Variants in TNFRSF19 observed in about 807,000 individuals in gnomAD.
The protein encoded by TNFRSF19 is tumor necrosis factor receptor superfamily member 19.
A neutral mutation model predicts 46.4 loss-of-function variants in TNFRSF19; 27 were observed. The observed-to-expected ratio is 0.58, with a 90% CI of 0.43 to 0.80. The LOEUF (loss-of-function observed/expected upper bound fraction) is 0.80, where lower values mean the gene tolerates loss of function less well. TNFRSF19 is among the 30% of genes least tolerant of loss of function. The pLI, the probability that TNFRSF19 is intolerant of heterozygous loss-of-function variation, is 0.00. For synonymous variants in TNFRSF19, 204 were observed against 205.0 expected, an observed-to-expected ratio of 1.00 and a Z score of 0.04; for missense variants, 511 against 530.8, an observed-to-expected ratio of 0.96 and a Z score of 0.37.
At chr13:23,583,203 A>T (rs140963005) in intron 1 of TNFRSF19, among the ~76,000 whole-genome samples, 1 of 152,348 alleles carries the variant, frequency 6.6e-6, no homozygotes, top group African/African-American at 2.4e-5. Flanking sequence ...CCAAATCTTC[A>T]CCAACAATGG....
chr13:23,597,610 CT>C (rs145014628), intron 3 of TNFRSF19, among the ~76,000 whole-genome samples: 44,945 of 151,880 alleles, frequency 0.3, 6,749 homozygotes, highest in South Asian at 0.34. Flanking sequence ...AATTAATAGC[CT>C]ACCAACCAAA....
At position 23,614,746 on chromosome 13, in the gene TNFRSF19, C is replaced by CATATATATATAT. The variant is rs59117822; in HGVS notation, c.181-1109_181-1098dup. ...AGCCGCTTCCTGTGGATAAGTAATA[C>CATATATATATAT]ATATATATATATATATATATATAGT... On this transcript the variant is annotated intron_variant, in intron 3 of 9. Transcript: ENST00000248484. Among the ~76,000 whole-genome samples the CATATATATATAT allele has an allele frequency of 2.6e-3, 354 of 134,854 alleles. 8 individuals are homozygous for CATATATATATAT. Among genetic ancestry groups the CATATATATATAT allele is most frequent in the African/African-American group, 7.2e-3 (255 of 35,570 alleles). 88.5% of individuals were successfully genotyped at this position (134,854 alleles called of 152,430 possible).
chr13:23,657,519 C>T (rs1199566546), intron 5 of TNFRSF19, among the ~76,000 whole-genome samples: 7 of 152,156 alleles, frequency 4.6e-5, no homozygotes, highest in Non-Finnish European at 1.0e-4. Context: ...AGTCTGAATT[C>T]AGATGAGCTG....
intron 3 of TNFRSF19, among the ~76,000 whole-genome samples, chr13:23,609,762 A>G (rs998941705): frequency 1.3e-5 from 2 of 152,208 alleles, no homozygotes; most frequent in Non-Finnish European, 2.9e-5. Context: ...TTTTGTCTCT[A>G]TGAGGAAAGT....
intron 3 of TNFRSF19, among the ~76,000 whole-genome samples, chr13:23,613,212 A>T (rs1007321419): frequency 5.3e-5 from 8 of 152,240 alleles, no homozygotes; most frequent in African/African-American, 1.4e-4. Flanking sequence ...ACTTATAGGT[A>T]TAATTTGTTT....
chr13:23,628,968 C>T (rs1173218450), intron 5 of TNFRSF19, among the ~76,000 whole-genome samples: 1 of 152,124 alleles, frequency 6.6e-6, no homozygotes, highest in African/African-American at 2.4e-5. Flanking sequence ...AGTTTGCTGC[C>T]TTTGGCACAG....
At chr13:23,581,874 T>G (rs1878462402) in intron 1 of TNFRSF19, among the ~76,000 whole-genome samples, 1 of 152,194 alleles carries the variant, frequency 6.6e-6, no homozygotes. Flanking sequence ...CAAAGCCCTT[T>G]TAAAACTGAT....
intron 1 of TNFRSF19, among the ~76,000 whole-genome samples, chr13:23,574,165 C>G (rs1029556511): frequency 6.6e-6 from 1 of 151,210 alleles, no homozygotes; most frequent in East Asian, 1.9e-4. Flanking sequence ...CATGGCCAAA[C>G]AACTGCCCTC....
At chr13:23,611,407 A>G (rs1265515758) in intron 3 of TNFRSF19, among the ~76,000 whole-genome samples, 2 of 152,208 alleles carry the variant, frequency 1.3e-5, no homozygotes, top group Non-Finnish European at 2.9e-5. Context: ...ATTCTGGCTA[A>G]AATGACCTCA....
intron 5 of TNFRSF19, among the ~76,000 whole-genome samples, chr13:23,656,624 C>T (rs1018755929): frequency 1.2e-4 from 19 of 152,136 alleles, no homozygotes; most frequent in African/African-American, 4.6e-4. Flanking sequence ...TTCATTTTTA[C>T]GACAGCTATT....
chr13:23,599,404 G>A (rs1406355595), intron 3 of TNFRSF19, among the ~76,000 whole-genome samples: 2 of 152,126 alleles, frequency 1.3e-5, no homozygotes. Context: ...CACAGCCCTC[G>A]AGAGATCCTG....
intron 3 of TNFRSF19, among the ~76,000 whole-genome samples, chr13:23,598,267 G>T (rs1354749803): frequency 6.6e-6 from 1 of 152,138 alleles, no homozygotes; most frequent in Non-Finnish European, 1.5e-5. Context: ...GATAGCATTA[G>T]GAGAAATACC....
chr13:23,592,065 C>A (rs1879350020), intron 2 of TNFRSF19, among the ~76,000 whole-genome samples: 1 of 152,050 alleles, frequency 6.6e-6, no homozygotes, highest in African/African-American at 2.4e-5. Context: ...ACCTTGAATT[C>A]TTCCTCCTGC....
At chr13:23,623,991 A>G (rs570970291) in intron 4 of TNFRSF19, among the ~76,000 whole-genome samples, 94 of 151,908 alleles carry the variant, frequency 6.2e-4, no homozygotes, top group African/African-American at 2.2e-3. Context: ...CTTGTTTCCT[A>G]TGGTTTTGGT....
chr13:23,659,215 G>A lies in TNFRSF19; in HGVS notation c.610+1G>A, dbSNP rs758430355. The A allele has an allele frequency of 1.2e-6, 2 of 1,606,526 alleles. No individual in the cohort carries two copies. Among genetic ancestry groups the A allele is most frequent in the East Asian group, 4.5e-5 (2 of 44,688 alleles). On this transcript the variant is annotated splice_donor_variant, in intron 6 of 9. Coordinates refer to ENST00000248484, the MANE Select transcript of TNFRSF19 (RefSeq NM_148957.4). LOFTEE classifies it high-confidence loss of function. The surrounding 1 kb of genome is among the most constrained non-coding windows in gnomAD (Gnocchi z 4.9). ...CAGTTTATGGAGAAGAAACCCAGCT[G>A]TAAGTTTTGAGCTCATTACATTTCT... is the stretch of plus-strand genomic sequence containing the variant.
rs187283767 is a variant in TNFRSF19, at chr13:23,659,776, A to G, written c.610+562A>G. ...TGCCTCGGCCTCCCAAAGTGCTGAG[A>G]TGACAGATGTGAGCCACTGCACCGG... On this transcript the variant is annotated intron_variant, in intron 6 of 9. Coordinates refer to ENST00000248484, the MANE Select transcript of TNFRSF19 (RefSeq NM_148957.4). The surrounding 1 kb of genome is among the most constrained non-coding windows in gnomAD (Gnocchi z 4.9). 6.6e-6 allele frequency among the ~76,000 whole-genome samples: 1 copy of G among 152,320 alleles called. No homozygotes were observed. The highest frequency in any genetic ancestry group is 2.4e-5 in the African/African-American group (1 of 41,564).
chr13:23,610,373 C>T (rs1015260587), intron 3 of TNFRSF19, among the ~76,000 whole-genome samples: 2 of 152,190 alleles, frequency 1.3e-5, no homozygotes, highest in African/African-American at 4.8e-5. Context: ...TGGAAAACCA[C>T]CAAATGTGGC....
intron 3 of TNFRSF19, among the ~76,000 whole-genome samples, chr13:23,601,207 T>G (rs550403722): frequency 4.6e-5 from 7 of 151,910 alleles, no homozygotes; most frequent in African/African-American, 1.7e-4. Flanking sequence ...CATTTGCAAA[T>G]TGCAGAAAAA....
chr13:23,615,766 C>A, intron 3 of TNFRSF19, 101 bp from the exon 4 acceptor site: 3 of 1,269,110 alleles, frequency 2.4e-6, no homozygotes, highest in East Asian at 5.0e-5. Flanking sequence ...AAGGCCGACA[C>A]TTGGTAATTA....
Sources: gnomAD v4.1 joint callset for allele counts (sites outside exome capture counted in the v4.1 genomes callset) on GRCh38, gnomAD v4.1.1 for gene constraint, Gnocchi (gnomAD v3.1) non-coding constraint, MANE v1.5 for transcripts, NCBI Gene and HGNC (gene_info 2026-07-23, HGNC 2026-07-21) for gene names.